SUN2: variants seen among roughly 807,000 people sequenced by gnomAD.
SUN2 encodes Sad1 and UNC84 domain containing 2, also known as SUN domain-containing protein 2.
A neutral mutation model predicts 100.0 loss-of-function variants in SUN2; 60 were observed. The observed-to-expected ratio is 0.60, with a 90% CI of 0.49 to 0.74. The LOEUF is 0.74. SUN2 is among the 30% of genes least tolerant of loss of function. The probability of loss-of-function intolerance (pLI) is 0.00; values close to 1 mark genes in which losing one functional copy is unlikely to be tolerated. For synonymous variants in SUN2, 367 were observed against 403.3 expected (o/e 0.91, Z 1.08); for missense variants, 834 against 954.6 (o/e 0.87, Z 1.66).
intron 7 of SUN2, among the ~76,000 whole-genome samples, chr22:38,747,951 C>CA (rs767897863): frequency 2.6e-5 from 4 of 152,072 alleles, no homozygotes; most frequent in Non-Finnish European, 5.9e-5. Flanking sequence ...TCAAAACAAA[C>CA]AAAAAACCAA....
chr22:38,751,169 C>T, intron 3 of SUN2, 41 bp downstream of exon 3: 1 of 1,603,892 alleles, frequency 6.2e-7, no homozygotes, highest in Non-Finnish European at 8.5e-7. Flanking sequence ...TCGCGGGAGG[C>T]CGAGGAAGCA....
chr22:38,739,271 C>T lies in SUN2; in HGVS notation c.1663+71G>A. On this transcript the variant is annotated intron_variant, in intron 14 of 17. Transcript: ENST00000689035. This position sits in a 1 kb window ranked among gnomAD's most constrained non-coding sequence, Gnocchi z 6.7. ...TTGCTTGCTCTGCCCCACCACCAACCTGGTAGATGCCAGGGGACCGGCCAT... is the reference window on the plus strand; with the variant it reads ...TTGCTTGCTCTGCCCCACCACCAACTTGGTAGATGCCAGGGGACCGGCCAT... 1 of 1,530,622 alleles carries T rather than the reference C, an allele frequency of 6.5e-7. No individual in the cohort carries two copies. Among genetic ancestry groups the T allele is most frequent in the Admixed American group, 1.7e-5 (1 of 59,908 alleles). The allele number at this position is 1,530,622 out of a possible 1,614,324, so 94.8% of individuals were successfully genotyped here. A position where few individuals can be genotyped will look rare whatever the true frequency, so the allele number is the denominator to read the frequency against.
chr22:38,754,499 C>A, intron 1 of SUN2: 1 of 618,834 alleles, frequency 1.6e-6, no homozygotes, highest in East Asian at 6.8e-5. Context: ...CATCTGGCAT[C>A]CCCTCTACTT....
chr22:38,749,568 G>T (rs1230562949), intron 6 of SUN2, among the ~76,000 whole-genome samples, 198 bp downstream of exon 6: 1 of 152,182 alleles, frequency 6.6e-6, no homozygotes, highest in Admixed American at 6.5e-5. Flanking sequence ...ATCAATTCGG[G>T]GAGAAGAACC....
In SUN2 at chr22:38,755,054, G is replaced by A; in HGVS notation, c.-38+709C>T. 1.1e-6 allele frequency: 1 copy of A among 914,344 alleles called. No individual in the cohort carries two copies. The highest frequency in any genetic ancestry group is 8.1e-5 in the East Asian group (1 of 12,360). The allele number at this position is 914,344 out of a possible 1,614,324, so 56.6% of individuals were successfully genotyped here. A position where few individuals can be genotyped will look rare whatever the true frequency, so the allele number is the denominator to read the frequency against. On this transcript the variant is annotated intron_variant, in intron 1 of 17. Coordinates refer to ENST00000689035, the MANE Select transcript of SUN2 (RefSeq NM_015374.3). The surrounding 1 kb of genome is among the most constrained non-coding windows in gnomAD (Gnocchi z 5.7). ...ACAATCAGTTAGGAAACGCTCATCG[G>A]AAAGCATCCTTCCCCACTTCTCAGC...
In SUN2 at chr22:38,751,220, G is replaced by A. The variant is rs111670814; in HGVS notation, c.276C>T (p.Asp92=). The A allele has an allele frequency of 1.9e-4, 302 of 1,612,412 alleles. 1 individual carries two copies. In the African/African-American group the frequency reaches 2.3e-3, roughly 12 times the overall value. ...PRSSLEELHG[D]ANWGEDLRVR... is the part of the protein sequence containing the mutation. ...GGGCTCCACACTCACCCCAGTTGGCGTCACCATGCAGTTCCTCCAGGGAGC... is the reference window on the plus strand; with the variant it reads ...GGGCTCCACACTCACCCCAGTTGGCATCACCATGCAGTTCCTCCAGGGAGC... The change falls in exon 3 of 18, where the codon GAC becomes GAT. Residue 92 remains aspartate (D), a synonymous_variant. Transcript: ENST00000689035.
At position 38,740,810 on chromosome 22, in the gene SUN2, C is replaced by A. The variant is rs2092850260; in HGVS notation, c.1190+197G>T. On this transcript the variant is annotated intron_variant, in intron 11 of 17. Transcript: ENST00000689035. This position sits in a 1 kb window ranked among gnomAD's most constrained non-coding sequence, Gnocchi z 4.8. The stretch of plus-strand genomic sequence containing the variant: ...ACAGCCTGCCCCCCGCCCTCAGGAC[C>A]CCCCTGCTAACCTCCATGGCACCTC... The A allele has an allele frequency of 1.6e-6, 1 of 624,286 alleles. No homozygotes were observed. The highest frequency in any genetic ancestry group is 2.8e-6 in the Non-Finnish European group (1 of 356,494). The allele number at this position is 624,286 out of a possible 1,614,324, so 38.7% of individuals were successfully genotyped here.
chr22:38,739,151 G>A lies in SUN2; in HGVS notation c.1664-163C>T. On this transcript the variant is annotated intron_variant, in intron 14 of 17. Coordinates refer to ENST00000689035, the MANE Select transcript of SUN2 (RefSeq NM_015374.3). The surrounding 1 kb of genome is among the most constrained non-coding windows in gnomAD (Gnocchi z 6.7). Reference sequence around the variant, plus strand: ...AGCTTTAAAGGTCAGCCTCTCCCTGGCCCAGGATGGTACTCGGTACGTCCT... The same window carrying A: ...AGCTTTAAAGGTCAGCCTCTCCCTGACCCAGGATGGTACTCGGTACGTCCT... The A allele has an allele frequency of 2.2e-6, 2 of 904,960 alleles. No homozygotes were observed. The highest frequency in any genetic ancestry group is 3.5e-6 in the Non-Finnish European group (2 of 574,260). The allele number at this position is 904,960 out of a possible 1,614,324, so 56.1% of individuals were successfully genotyped here. A position where few individuals can be genotyped will look rare whatever the true frequency, so the allele number is the denominator to read the frequency against.
chr22:38,742,690 G>T, intron 8 of SUN2, 135 bp from the exon 9 acceptor site: 1 of 1,184,296 alleles, frequency 8.4e-7, no homozygotes, highest in Admixed American at 2.9e-5. Flanking sequence ...GCCATGCAGG[G>T]CCGGCTGGAG....
chr22:38,745,071 C>T lies in SUN2; in HGVS notation c.813+613G>A, dbSNP rs78189252. On this transcript the variant is annotated intron_variant, in intron 8 of 17. Transcript: ENST00000689035. ...ATTTGCGGTAGCCAACAGAATGTGG[C>T]GGGAGTGACGGTGTGCTGGTTCTGG... 65 of 471,110 alleles carry T rather than the reference C, an allele frequency of 1.4e-4. No homozygotes were observed. In the East Asian group the frequency reaches 2.0e-3, roughly 15 times the overall value. 29.2% of individuals were successfully genotyped at this position (471,110 alleles called of 1,614,324 possible).
intron 2 of SUN2, 79 bp downstream of exon 2, chr22:38,752,428 G>A: frequency 6.6e-7 from 1 of 1,517,870 alleles, no homozygotes. Context: ...CAGGGGGATG[G>A]CTGGACCACA....
In SUN2 at chr22:38,740,969, G is replaced by A; in HGVS notation, c.1190+38C>T. The A allele has an allele frequency of 6.4e-7, 1 of 1,571,012 alleles. No homozygotes were observed. Among genetic ancestry groups the A allele is most frequent in the African/African-American group, 1.4e-5 (1 of 73,888 alleles). ...CTGCCTGGAGAGTGGGTGGGGCTGGGGAGGAGCAGGCCGAGGCCAGCTGGT... is the reference window on the plus strand; with the variant it reads ...CTGCCTGGAGAGTGGGTGGGGCTGGAGAGGAGCAGGCCGAGGCCAGCTGGT... On this transcript the variant is annotated intron_variant, in intron 11 of 17. Coordinates refer to ENST00000689035, the MANE Select transcript of SUN2 (RefSeq NM_015374.3). This position sits in a 1 kb window ranked among gnomAD's most constrained non-coding sequence, Gnocchi z 4.8.
At position 38,745,732 on chromosome 22, in the gene SUN2, C is replaced by T. The variant is rs1360697079; in HGVS notation, c.765G>A (p.Arg255=). The T allele has an allele frequency of 1.2e-6, 2 of 1,613,944 alleles. No individual in the cohort carries two copies. Among genetic ancestry groups the T allele is most frequent in the African/African-American group, 1.3e-5 (1 of 74,928 alleles). The change falls in exon 8 of 18, where the codon AGG becomes AGA. Residue 255 remains arginine (R), a synonymous_variant. Transcript: ENST00000689035. ...TGGCTTCCCAGCCCTCATCCGGCCT[C>T]CTGCTGTCCTTCGCTGCCCACCAGG... ...LVSWWAAKDS[R]RPDEGWEARD... is the part of the protein sequence containing the mutation.
At chr22:38,750,625 A>C (rs186124204) in intron 4 of SUN2, among the ~76,000 whole-genome samples, 1 of 152,350 alleles carries the variant, frequency 6.6e-6, no homozygotes, top group African/African-American at 2.4e-5. Flanking sequence ...GCCCCACAGG[A>C]AAGTGCTGGA....
rs1166511698 is a variant in SUN2 at position 38,751,335 on chromosome 22, G to A, written c.161C>T (p.Ser54Phe). The A allele has an allele frequency of 6.2e-7, 1 of 1,614,038 alleles. No homozygotes were observed. The highest frequency in any genetic ancestry group is 1.1e-5 in the South Asian group (1 of 91,080). The stretch of plus-strand genomic sequence containing the variant: ...GGACGGGCCCAGCTGTGGCGCTGGG[G>A]ACAGGCGCTTCATGTTGCTGGATTT... The part of the protein sequence containing the change: ...KRKSSNMKRL[S>F]PAPQLGPSSD... The change falls in exon 3 of 18, where the codon TCC (serine) becomes TTC (phenylalanine). Residue 54 changes from serine (S) to phenylalanine (F), a missense_variant. By Grantham distance (155) the Ser-to-Phe change is radical. Coordinates refer to ENST00000689035, the MANE Select transcript of SUN2 (RefSeq NM_015374.3).
intron 8 of SUN2, chr22:38,743,209 G>C (rs763384721): frequency 2.0e-5 from 3 of 152,206 alleles, no homozygotes; most frequent in Non-Finnish European, 4.4e-5. Context: ...GTCAAATAAA[G>C]GCCAGGGAGC....
Position 38,740,309 on chromosome 22 carries a change from T to A in SUN2, c.1314A>T (p.Glu438Asp), listed in dbSNP as rs200311518. Residue 438 changes from glutamate (E) to aspartate (D), a missense_variant, in exon 12 of 18, where the codon GAA becomes GAT. Glu to Asp is a conservative substitution (Grantham distance 45, BLOSUM62 2). Around this residue, in one of 3 missense-constraint regions of SUN2, gnomAD observed 559 missense variants for 597.7 expected, o/e 0.94. Coordinates refer to ENST00000689035, the MANE Select transcript of SUN2 (RefSeq NM_015374.3). The surrounding 1 kb of genome is among the most constrained non-coding windows in gnomAD (Gnocchi z 4.8). The stretch of plus-strand genomic sequence containing the variant: ...GGATCTGCTGGGGCAGCAGGCCCAC[T>A]TCTTCCGCCACCGAGCTCTGCTTCA... ...LALKQSSVAE[E>D]VGLLPQQIQA... 6.6e-5 allele frequency: 106 copies of A among 1,604,338 alleles called. No homozygotes were observed. Among genetic ancestry groups the A allele is most frequent in the Non-Finnish European group, 7.5e-5 (88 of 1,176,346 alleles).
intron 9 of SUN2, among the ~76,000 whole-genome samples, chr22:38,741,973 T>C (rs1390926351): frequency 6.6e-6 from 1 of 151,956 alleles, no homozygotes; most frequent in Non-Finnish European, 1.5e-5. Flanking sequence ...AAACCCTGTC[T>C]CTACTAAAAA....
chr22:38,745,061 C>G (rs953245743), intron 8 of SUN2: 14 of 471,070 alleles, frequency 3.0e-5, no homozygotes, highest in Non-Finnish European at 6.2e-5. Flanking sequence ...CGGTAGCCAA[C>G]AGAATGTGGC....
Sources: allele counts gnomAD v4.1 joint callset (sites outside exome capture counted in the v4.1 genomes callset), GRCh38; gene constraint gnomAD v4.1.1; regional missense constraint gnomAD v4.1.1; non-coding constraint Gnocchi (gnomAD v3.1); transcripts MANE v1.5; gene names NCBI Gene and HGNC (gene_info 2026-07-23, HGNC 2026-07-21).